The following ARF5 variants were observed in gnomAD, a reference collection of about 807,000 sequenced individuals.
ARF5 encodes ADP-ribosylation factor 5.
A neutral mutation model predicts 24.8 loss-of-function variants in ARF5; 10 were observed. The ratio of observed to expected loss-of-function variants is 0.40; its 90% CI spans 0.25 to 0.68. The LOEUF is 0.68. Among genes scored for constraint, ARF5 ranks in the 30% least tolerant of loss-of-function variants. ARF5 has a pLI of 0.36. For missense variants in ARF5, 135 were observed against 239.2 expected (o/e 0.56, Z 2.87); for synonymous variants, 102 against 95.1 (o/e 1.07, Z -0.42).
At chr7:127,589,311 G>A in intron 2 of ARF5, 148 bp downstream of exon 2, 1 of 1,118,110 alleles carries the variant, frequency 8.9e-7, no homozygotes, top group Non-Finnish European at 1.3e-6. Flanking sequence ...GTGGATACCG[G>A]AGGCAGGGTG....
intron 4 of ARF5, 33 bp downstream of exon 4, chr7:127,590,170 C>A: frequency 6.3e-7 from 1 of 1,577,292 alleles, no homozygotes; most frequent in Non-Finnish European, 8.7e-7. Flanking sequence ...ACTGAGCCCT[C>A]AGCTTGGGGA....
chr7:127,591,114 G>A (rs1338368611), intron 5 of ARF5, 26 bp downstream of exon 5: 1 of 1,613,152 alleles, frequency 6.2e-7, no homozygotes, highest in South Asian at 1.1e-5. Flanking sequence ...ACCTGGTGCT[G>A]AATCCTGCCT....
Position 127,590,140 on chromosome 7 carries a change from G to A in ARF5, c.330+3G>A. Reference sequence around the variant, plus strand: ...CTGCTGATGAACTCCAGAAGATGGTGAGTACCCAGAGCCCTGGGAACTGAG... The same window carrying A: ...CTGCTGATGAACTCCAGAAGATGGTAAGTACCCAGAGCCCTGGGAACTGAG... On this transcript the variant is annotated splice_donor_region_variant and intron_variant, in intron 4 of 5. Transcript: ENST00000000233. 6.2e-7 allele frequency: 1 copy of A among 1,613,260 alleles called. No homozygotes were observed. Among genetic ancestry groups the A allele is most frequent in the Non-Finnish European group, 8.5e-7 (1 of 1,179,308 alleles).
At chr7:127,589,953 T>C in intron 3 of ARF5, 113 bp from the exon 4 acceptor site, 3 of 962,546 alleles carry the variant, frequency 3.1e-6, no homozygotes, top group Non-Finnish European at 1.7e-6. Flanking sequence ...TAGAGTTTAC[T>C]AGATGAGAAG....
At chr7:127,589,698 C>A (rs566872844) in intron 3 of ARF5, 104 bp downstream of exon 3, 3 of 871,970 alleles carry the variant, frequency 3.4e-6, no homozygotes, top group Non-Finnish European at 5.4e-6. Flanking sequence ...AGGAAAAAAC[C>A]CTTCCCCACT....
chr7:127,588,429 A>T lies in ARF5; in HGVS notation c.-70A>T, dbSNP rs1794235467. ...CCTCCTCCTGCTGCTGCTGCGCCCC[A>T]TCCCCCCGCGGCCGGCCAGTTCCAG... On this transcript the variant is annotated 5_prime_UTR_variant, in exon 1 of 6. Transcript: ENST00000000233. 6 of 1,036,730 alleles carry T rather than the reference A, an allele frequency of 5.8e-6. No individual in the cohort carries two copies. The highest frequency in any genetic ancestry group is 4.3e-5 in the Admixed American group (1 of 23,448). The allele number at this position is 1,036,730 out of a possible 1,614,324, so 64.2% of individuals were successfully genotyped here.
At chr7:127,588,651 C>T in intron 1 of ARF5, 86 bp downstream of exon 1, 1 of 1,218,570 alleles carries the variant, frequency 8.2e-7, no homozygotes, top group Non-Finnish European at 1.1e-6. Flanking sequence ...GCCCCGCTCA[C>T]CTGGGTCTCT....
rs1794289547 is a variant in ARF5, at chr7:127,591,609, T to G, written c.*310T>G. 5.8e-6 allele frequency: 2 copies of G among 344,532 alleles called. No individual in the cohort carries two copies. The highest frequency in any genetic ancestry group is 3.6e-5 in the South Asian group (1 of 27,966). The allele number at this position is 344,532 out of a possible 1,614,324, so 21.3% of individuals were successfully genotyped here. A position where few individuals can be genotyped will look rare whatever the true frequency, so the allele number is the denominator to read the frequency against. On this transcript the variant is annotated 3_prime_UTR_variant, in exon 6 of 6. Transcript: ENST00000000233. Reference sequence around the variant, plus strand: ...TTTTTTTTCTGTTTTGGGTGTACTCTAGGGGCCAGGTTGGGAGGGGGAAGG... The same window carrying G: ...TTTTTTTTCTGTTTTGGGTGTACTCGAGGGGCCAGGTTGGGAGGGGGAAGG...
Position 127,588,538 on chromosome 7 carries a change from G to T in ARF5, c.40G>T (p.Gly14Trp). 2.7e-6 allele frequency: 4 copies of T among 1,464,510 alleles called. No homozygotes were observed. Among genetic ancestry groups the T allele is most frequent in the South Asian group, 1.4e-5 (1 of 74,028 alleles). The allele number at this position is 1,464,510 out of a possible 1,614,324, so 90.7% of individuals were successfully genotyped here. The change falls in exon 1 of 6, where the codon GGG becomes TGG. Residue 14 changes from glycine to tryptophan, a missense_variant. Gly to Trp is a radical substitution (Grantham distance 184, BLOSUM62 -2). Transcript: ENST00000000233. ...GTCCGCGCTCTTTTCGCGGATCTTC[G>T]GGAAGAAGCAGATGCGGATTCTCAT... ...TVSALFSRIF[G>W]KKQMRILMVG...
At chr7:127,590,888 G>A (rs988686604) in intron 4 of ARF5, 75 bp from the exon 5 acceptor site, 10 of 1,521,304 alleles carry the variant, frequency 6.6e-6, no homozygotes, top group South Asian at 3.8e-5. Context: ...CAAGATGCTA[G>A]GAGGTAGAAA....
intron 4 of ARF5, among the ~76,000 whole-genome samples, chr7:127,590,712 C>T (rs1794273831): frequency 6.6e-6 from 1 of 152,230 alleles, no homozygotes; most frequent in Non-Finnish European, 1.5e-5. Flanking sequence ...AAACATTTTA[C>T]ATTCCTGCCT....
rs2117413380 is a variant in ARF5, at chr7:127,588,573, A to C, written c.67+8A>C. The stretch of plus-strand genomic sequence containing the variant: ...AGATGCGGATTCTCATGGGTGAGGC[A>C]GATCGAGCGCGCGGCCCGGACCGGG... On this transcript the variant is annotated splice_region_variant and intron_variant, in intron 1 of 5. Coordinates refer to ENST00000000233, the MANE Select transcript of ARF5 (RefSeq NM_001662.4). The C allele has an allele frequency of 7.1e-7, 1 of 1,413,586 alleles. No homozygotes were observed. Among genetic ancestry groups the C allele is most frequent in the South Asian group, 1.5e-5 (1 of 67,082 alleles). The allele number at this position is 1,413,586 out of a possible 1,614,324, so 87.6% of individuals were successfully genotyped here.
chr7:127,588,813 G>A (rs1227991500), intron 1 of ARF5: 2 of 579,108 alleles, frequency 3.5e-6, no homozygotes, highest in Admixed American at 3.4e-5. Flanking sequence ...AAGAAGGGAG[G>A]ATTCCGCCCT....
chr7:127,591,085 C>T lies in ARF5; in HGVS notation c.453C>T (p.Arg151=). The T allele has an allele frequency of 6.2e-7, 1 of 1,614,016 alleles. No individual in the cohort carries two copies. Among genetic ancestry groups the T allele is most frequent in the Non-Finnish European group, 8.5e-7 (1 of 1,179,966 alleles). Residue 151 remains arginine (R), a synonymous_variant, in exon 5 of 6, where the codon CGC becomes CGT. Transcript: ENST00000000233. ...TGGGGCTACAGCACTTACGCAGCCG[C>T]ACGGTAGGGGTCCTGCCCACCTGGT... ...DKLGLQHLRS[R]TWYVQATCAT...
At chr7:127,588,744 G>A in intron 1 of ARF5, 179 bp downstream of exon 1, 1 of 649,270 alleles carries the variant, frequency 1.5e-6, no homozygotes, top group East Asian at 3.2e-5. Context: ...CCCGGGGCCT[G>A]ACACCCGGAG....
rs77229708 is a variant in ARF5 at position 127,591,248 on chromosome 7, A to G, written c.492A>G (p.Thr164=). ...YVQATCATQG[T]GLYDGLDWLS... is the part of the protein sequence containing the mutation. ...AGGCCACCTGTGCCACCCAAGGCACAGGTCTGTACGATGGTCTGGACTGGC... is the reference window on the plus strand; with the variant it reads ...AGGCCACCTGTGCCACCCAAGGCACGGGTCTGTACGATGGTCTGGACTGGC... The change falls in exon 6 of 6, where the codon ACA becomes ACG. Residue 164 remains threonine (T), a synonymous_variant. Coordinates refer to ENST00000000233, the MANE Select transcript of ARF5 (RefSeq NM_001662.4). 4.4e-6 allele frequency: 7 copies of G among 1,608,034 alleles called. No homozygotes were observed. Among genetic ancestry groups the G allele is most frequent in the Non-Finnish European group, 5.9e-6 (7 of 1,178,190 alleles).
At chr7:127,588,894 C>T (rs1319968660) in intron 1 of ARF5, 189 bp from the exon 2 acceptor site, 5 of 668,624 alleles carry the variant, frequency 7.5e-6, no homozygotes, top group Non-Finnish European at 1.3e-5. Context: ...TCCCGCTCCG[C>T]GCCCTCTTTG....
intron 2 of ARF5, 58 bp from the exon 3 acceptor site, chr7:127,589,427 T>C (rs1363051688): frequency 1.4e-6 from 2 of 1,415,822 alleles, no homozygotes; most frequent in African/African-American, 2.9e-5. Context: ...TCTAAGTAGT[T>C]TTAGTGAGTT....
chr7:127,590,789 C>G (rs1335327908), intron 4 of ARF5, among the ~76,000 whole-genome samples, 174 bp from the exon 5 acceptor site: 11 of 152,260 alleles, frequency 7.2e-5, no homozygotes, highest in South Asian at 6.2e-4. Flanking sequence ...TCTTTCTTTT[C>G]TGGACTTATG....
Sources: allele counts gnomAD v4.1 joint callset (sites outside exome capture counted in the v4.1 genomes callset), GRCh38; gene constraint gnomAD v4.1.1; transcripts MANE v1.5; gene names NCBI Gene and HGNC (gene_info 2026-07-23, HGNC 2026-07-21).